The following LPP variants were observed in gnomAD, a reference collection of about 807,000 sequenced individuals.
LPP encodes the protein LIM domain containing preferred translocation partner in lipoma, also known as lipoma-preferred partner.
In LPP, 38 loss-of-function variants were observed where a neutral mutation model predicts 60.4. The ratio of observed to expected loss-of-function variants is 0.63; its 90% CI spans 0.49 to 0.83. LPP has a LOEUF of 0.83. Among genes scored for constraint, LPP ranks in the 40% least tolerant of loss-of-function variants. The pLI is 0.00. For synonymous variants in LPP, 328 were observed against 290.8 expected (o/e 1.13, Z -1.30); for missense variants, 902 against 783.6 (o/e 1.15, Z -1.80).
intron 4 of LPP, among the ~76,000 whole-genome samples, chr3:188,423,880 G>T (rs566120538): frequency 6.9e-6 from 1 of 145,440 alleles, no homozygotes; most frequent in African/African-American, 2.4e-5. Flanking sequence ...TAGATTGCAC[G>T]CTTTTTTTTC....
rs1284116318 is a variant in LPP, at chr3:188,191,346, G to T, written c.-189-34059G>T. The stretch of plus-strand genomic sequence containing the variant: ...TTCTTATATTTATTTGCTACGCTTT[G>T]TGTGCTTGGAGGAAACAACTGTTTC... On this transcript the variant is annotated intron_variant, in intron 1 of 11. Coordinates refer to ENST00000617246, the MANE Select transcript of LPP (RefSeq NM_001375462.1). Among the ~76,000 whole-genome samples the T allele has an allele frequency of 2.0e-5, 3 of 152,220 alleles. No homozygotes were observed. In the South Asian group the frequency reaches 6.2e-4, roughly 31 times the overall value.
chr3:188,636,673 A>C (rs1316724325), intron 7 of LPP, among the ~76,000 whole-genome samples: 3 of 152,108 alleles, frequency 2.0e-5, no homozygotes, highest in African/African-American at 7.2e-5. Flanking sequence ...ACAGCTTTGA[A>C]GAGAGCAGTG....
intron 8 of LPP, among the ~76,000 whole-genome samples, chr3:188,724,564 C>T (rs1480033164): frequency 6.6e-6 from 1 of 152,152 alleles, no homozygotes; most frequent in Non-Finnish European, 1.5e-5. Flanking sequence ...GGTAGTAGTG[C>T]CCAGTTGGGC....
intron 6 of LPP, among the ~76,000 whole-genome samples, chr3:188,561,896 C>T (rs1830766501): frequency 2.0e-5 from 3 of 152,008 alleles, no homozygotes; most frequent in African/African-American, 7.2e-5. Flanking sequence ...AAAGATAAAG[C>T]AGTTTGAAAG....
rs1332505844 is a variant in LPP, at chr3:188,610,697, G to A, written c.1113+853G>A. On this transcript the variant is annotated intron_variant, in intron 7 of 11. Transcript: ENST00000617246. The surrounding 1 kb of genome is among the most constrained non-coding windows in gnomAD (Gnocchi z 4.4). ...ATAGGTAAGGTGTAATACTACACAT[G>A]CCCACTCACCACAACTTGGATTTTT... Among the ~76,000 whole-genome samples the A allele has an allele frequency of 2.0e-5, 3 of 152,144 alleles. No individual in the cohort carries two copies. Among genetic ancestry groups the A allele is most frequent in the African/African-American group, 4.8e-5 (2 of 41,430 alleles).
At position 188,487,777 on chromosome 3, in the gene LPP, G is replaced by A. The variant is rs568704645; in HGVS notation, c.306+3073G>A. Among the ~76,000 whole-genome samples the A allele has an allele frequency of 2.8e-4, 42 of 152,192 alleles. No individual in the cohort carries two copies. The South Asian group carries it at 8.3e-3, about 30-fold the overall frequency. Reference sequence around the variant, plus strand: ...AGAAAATTCTGCGCAGTTTCCTCTCGGCTATGGTTAAAACCTCATGTTCCC... The same window carrying A: ...AGAAAATTCTGCGCAGTTTCCTCTCAGCTATGGTTAAAACCTCATGTTCCC... On this transcript the variant is annotated intron_variant, in intron 5 of 11. Transcript: ENST00000617246.
At chr3:188,863,769 G>C (rs1381081545) in intron 9 of LPP, among the ~76,000 whole-genome samples, 2 of 152,068 alleles carry the variant, frequency 1.3e-5, no homozygotes, top group African/African-American at 2.4e-5. Flanking sequence ...TTGCAGAAAT[G>C]TTTGTATTAC....
At chr3:188,722,629 C>A (rs1446635557) in intron 8 of LPP, among the ~76,000 whole-genome samples, 2 of 152,158 alleles carry the variant, frequency 1.3e-5, no homozygotes. Context: ...TATCCATGGA[C>A]AAGTCAGAAG....
At chr3:188,749,110 A>C (rs1002792455) in intron 8 of LPP, among the ~76,000 whole-genome samples, 7 of 152,214 alleles carry the variant, frequency 4.6e-5, no homozygotes, top group African/African-American at 1.7e-4. Context: ...TACAGAAGCC[A>C]TGTTGTAGAC....
intron 3 of LPP, among the ~76,000 whole-genome samples, chr3:188,375,468 A>G: frequency 6.6e-6 from 1 of 152,106 alleles, no homozygotes; most frequent in African/African-American, 2.4e-5. Context: ...TTATCCATTT[A>G]TTCTAGATTT....
chr3:188,684,382 C>T (rs1276104124), intron 7 of LPP, among the ~76,000 whole-genome samples: 1 of 152,102 alleles, frequency 6.6e-6, no homozygotes, highest in Non-Finnish European at 1.5e-5. Flanking sequence ...GAAAGTACAC[C>T]TTTTTACATT....
chr3:188,704,602 A>G (rs2149642433), intron 7 of LPP, among the ~76,000 whole-genome samples: 1 of 152,278 alleles, frequency 6.6e-6, no homozygotes, highest in Admixed American at 6.5e-5. Context: ...CTTCAGCGGG[A>G]ACTTTCTAAA....
intron 4 of LPP, among the ~76,000 whole-genome samples, chr3:188,416,635 A>G (rs987680786): frequency 2.0e-5 from 3 of 152,320 alleles, no homozygotes; most frequent in South Asian, 4.1e-4. Context: ...TCAGAGACCT[A>G]GAGCATCTTT....
chr3:188,786,384 A>C lies in LPP; in HGVS notation c.1410+26102A>C, dbSNP rs1181419972. Among the ~76,000 whole-genome samples the C allele has an allele frequency of 1.4e-4, 5 of 35,114 alleles. No homozygotes were observed. In the South Asian group the frequency reaches 7.8e-3, roughly 55 times the overall value. The allele number at this position is 35,114 out of a possible 152,430, so 23.0% of individuals were successfully genotyped here. A position where few individuals can be genotyped will look rare whatever the true frequency, so the allele number is the denominator to read the frequency against. On this transcript the variant is annotated intron_variant, in intron 9 of 11. Coordinates refer to ENST00000617246, the MANE Select transcript of LPP (RefSeq NM_001375462.1). ...GGCAACAGCGTGAGACTCCGTCTCA[A>C]AAAAAAAAAAAAAAAAAAAAAAAAA...
At chr3:188,383,789 A>G (rs555093224) in intron 3 of LPP, among the ~76,000 whole-genome samples, 4 of 152,280 alleles carry the variant, frequency 2.6e-5, no homozygotes, top group African/African-American at 9.6e-5. Flanking sequence ...ACATATTCCA[A>G]ATTACTTTGG....
chr3:188,261,270 T>G (rs1733526351), intron 2 of LPP, among the ~76,000 whole-genome samples: 1 of 152,172 alleles, frequency 6.6e-6, no homozygotes, highest in African/African-American at 2.4e-5. Context: ...CACCTCAGCC[T>G]TCTAAGTAGC....
chr3:188,833,681 C>T (rs1159147387), intron 9 of LPP, among the ~76,000 whole-genome samples: 2 of 152,114 alleles, frequency 1.3e-5, no homozygotes, highest in African/African-American at 4.8e-5. Context: ...CCACTTTGCA[C>T]TCTCAGTCAG....
intron 10 of LPP, among the ~76,000 whole-genome samples, chr3:188,870,545 A>G (rs1767832000): frequency 6.6e-6 from 1 of 152,242 alleles, no homozygotes; most frequent in Non-Finnish European, 1.5e-5. Flanking sequence ...TGATAAAAAT[A>G]CTTCCTCATA....
chr3:188,310,685 T>C (rs1206393044), intron 2 of LPP, among the ~76,000 whole-genome samples: 6 of 152,332 alleles, frequency 3.9e-5, no homozygotes, highest in African/African-American at 1.4e-4. Context: ...TTTTCTGGAC[T>C]GGCATTTAGA....
Sources: gnomAD v4.1 joint callset for allele counts (sites outside exome capture counted in the v4.1 genomes callset) on GRCh38, gnomAD v4.1.1 for gene constraint, Gnocchi (gnomAD v3.1) non-coding constraint, MANE v1.5 for transcripts, NCBI Gene and HGNC (gene_info 2026-07-23, HGNC 2026-07-21) for gene names.